The following PFDN1 variants were observed in gnomAD, a reference collection of about 807,000 sequenced individuals.
PFDN1 encodes the protein prefoldin subunit 1, also known as prefoldin 1.
A neutral mutation model predicts 17.3 loss-of-function variants in PFDN1; 6 were observed. The observed-to-expected ratio is 0.35, with a 90% CI of 0.19 to 0.69. The LOEUF (loss-of-function observed/expected upper bound fraction) is 0.69. PFDN1 is among the 30% of genes least tolerant of loss of function. PFDN1 has a pLI of 0.65. For missense variants in PFDN1, 113 were observed against 146.2 expected, an observed-to-expected ratio of 0.77 and a Z score of 1.17; for synonymous variants, 58 against 50.1, an observed-to-expected ratio of 1.16 and a Z score of -0.67.
chr5:140,299,461 A>G (rs7725147), intron 2 of PFDN1, among the ~76,000 whole-genome samples: 71,313 of 151,670 alleles, frequency 0.47, 17,041 homozygotes, highest in South Asian at 0.71. Context: ...TTAGCCGGGC[A>G]TGGTAGCATG....
Position 140,245,955 on chromosome 5 carries a change from A to T in PFDN1, c.*19T>A, listed in dbSNP as rs1323981424. On this transcript the variant is annotated 3_prime_UTR_variant, in exon 4 of 4. Transcript: ENST00000261813. ...CAGGAATGGGAGGGGCAGGAGGAAG[A>T]GCTTCCCAGAGAGGCTCCCTACTGG... is the stretch of plus-strand genomic sequence containing the variant. 27 of 1,458,704 alleles carry T rather than the reference A, an allele frequency of 1.9e-5. No individual in the cohort carries two copies. Among genetic ancestry groups the T allele is most frequent in the Non-Finnish European group, 2.4e-5 (26 of 1,062,300 alleles). The allele number at this position is 1,458,704 out of a possible 1,614,324, so 90.4% of individuals were successfully genotyped here.
intron 2 of PFDN1, among the ~76,000 whole-genome samples, chr5:140,288,637 A>C (rs974897641): frequency 7.9e-5 from 12 of 152,188 alleles, no homozygotes; most frequent in Admixed American, 2.6e-4. Context: ...AGGGAGTGAG[A>C]GCTTGCTGTT....
intron 3 of PFDN1, chr5:140,262,469 G>A (rs1323092518): frequency 3.1e-5 from 14 of 453,184 alleles, no homozygotes; most frequent in Non-Finnish European, 5.8e-5. Flanking sequence ...CCAAGTTCAT[G>A]AGATGGCTTC....
intron 2 of PFDN1, among the ~76,000 whole-genome samples, chr5:140,298,147 T>C (rs1765680928): frequency 6.6e-6 from 1 of 152,164 alleles, no homozygotes; most frequent in African/African-American, 2.4e-5. Flanking sequence ...ATATATGAGC[T>C]TGGACATAAA....
At chr5:140,278,557 C>CAAAAAAAAAA (rs113129230) in intron 3 of PFDN1, among the ~76,000 whole-genome samples, 31 of 79,012 alleles carry the variant, frequency 3.9e-4, no homozygotes, top group Non-Finnish European at 6.2e-4. Flanking sequence ...GACTCTGTCT[C>CAAAAAAAAAA]AAAAAAAAAA....
chr5:140,276,002 C>A (rs1475384542), intron 3 of PFDN1, among the ~76,000 whole-genome samples: 1 of 151,152 alleles, frequency 6.6e-6, no homozygotes, highest in Non-Finnish European at 1.5e-5. Context: ...TACAGGGTAT[C>A]TCAGAAGAGA....
Position 140,251,647 on chromosome 5 carries a change from T to C in PFDN1, c.286-5590A>G, listed in dbSNP as rs559337670. ...ATGCTTTCACAAGGGAAGTCTCTAG[T>C]GGCATCAAACCACAAAGCTCTGGGT... is the stretch of plus-strand genomic sequence containing the variant. On this transcript the variant is annotated intron_variant, in intron 3 of 3. Transcript: ENST00000261813. 3.3e-5 allele frequency among the ~76,000 whole-genome samples: 5 copies of C among 152,314 alleles called. No individual in the cohort carries two copies. In the East Asian group the frequency reaches 9.6e-4, roughly 29 times the overall value.
chr5:140,259,277 C>G (rs1765030606), intron 3 of PFDN1, among the ~76,000 whole-genome samples: 1 of 152,180 alleles, frequency 6.6e-6, no homozygotes, highest in African/African-American at 2.4e-5. Flanking sequence ...TTAACTGTTA[C>G]AGATGAGCCT....
intron 2 of PFDN1, among the ~76,000 whole-genome samples, chr5:140,288,460 G>T (rs533623350): frequency 1.3e-5 from 2 of 152,264 alleles, no homozygotes; most frequent in East Asian, 3.9e-4. Flanking sequence ...AAGGAATTTG[G>T]GGGACAGTGA....
intron 2 of PFDN1, among the ~76,000 whole-genome samples, chr5:140,288,283 C>T (rs923264096): frequency 5.9e-5 from 9 of 152,156 alleles, no homozygotes. Context: ...ATGCATATTG[C>T]TAAGTCGAAG....
intron 2 of PFDN1, among the ~76,000 whole-genome samples, chr5:140,285,347 C>CA (rs59589577): frequency 0.02 from 1,767 of 88,750 alleles, 40 homozygotes; most frequent in East Asian, 0.12. Context: ...GACTCCATCT[C>CA]AAAAAAAAAA....
At chr5:140,253,184 AC>A in intron 3 of PFDN1, among the ~76,000 whole-genome samples, 1 of 152,222 alleles carries the variant, frequency 6.6e-6, no homozygotes, top group South Asian at 2.1e-4. Context: ...GACAGAAAAG[AC>A]CCTTCAGAGG....
intron 2 of PFDN1, among the ~76,000 whole-genome samples, chr5:140,284,146 G>A (rs989927365): frequency 6.6e-6 from 1 of 152,124 alleles, no homozygotes; most frequent in Non-Finnish European, 1.5e-5. Flanking sequence ...ACAAAAACAC[G>A]TTTTTCCATG....
intron 3 of PFDN1, 149 bp downstream of exon 3, chr5:140,281,300 A>G (rs895208699): frequency 5.3e-5 from 30 of 568,516 alleles, no homozygotes; most frequent in Non-Finnish European, 9.0e-5. Flanking sequence ...GAATATGAAT[A>G]TGACAGCTTC....
intron 3 of PFDN1, among the ~76,000 whole-genome samples, chr5:140,272,244 T>C (rs1765216641): frequency 6.6e-6 from 1 of 152,024 alleles, no homozygotes; most frequent in Non-Finnish European, 1.5e-5. Flanking sequence ...GGCCTTGAAC[T>C]CCTGACCTCA....
chr5:140,249,757 G>A (rs1764885223), intron 3 of PFDN1, among the ~76,000 whole-genome samples: 1 of 152,164 alleles, frequency 6.6e-6, no homozygotes, highest in African/African-American at 2.4e-5. Flanking sequence ...GAGGAAATGA[G>A]AGAGGAGGTG....
chr5:140,301,579 AT>A (rs1765747571), intron 1 of PFDN1, among the ~76,000 whole-genome samples: 1 of 152,246 alleles, frequency 6.6e-6, no homozygotes, highest in South Asian at 2.1e-4. Flanking sequence ...GAAATTTCCT[AT>A]TTGTCTCCAC....
rs1019861806 is a variant in PFDN1, at chr5:140,245,647, G to A, written c.*327C>T. The A allele has an allele frequency of 2.6e-5, 18 of 681,318 alleles. No individual in the cohort carries two copies. Among genetic ancestry groups the A allele is most frequent in the Non-Finnish European group, 4.0e-5 (15 of 376,276 alleles). The allele number at this position is 681,318 out of a possible 1,614,324, so 42.2% of individuals were successfully genotyped here. A position where few individuals can be genotyped will look rare whatever the true frequency, so the allele number is the denominator to read the frequency against. On this transcript the variant is annotated 3_prime_UTR_variant, in exon 4 of 4. Transcript: ENST00000261813. The stretch of plus-strand genomic sequence containing the variant: ...CCAGGCTTAGCAGAGTGGGACAGAC[G>A]CTTTTTATTGGTCTGGCTGGCGTGC...
chr5:140,287,709 C>A (rs1416093167), intron 2 of PFDN1, among the ~76,000 whole-genome samples: 1 of 150,174 alleles, frequency 6.7e-6, no homozygotes, highest in African/African-American at 2.4e-5. Context: ...GGATTTGCAT[C>A]TAAATTATGC....
Sources: allele counts gnomAD v4.1 joint callset (sites outside exome capture counted in the v4.1 genomes callset), GRCh38; gene constraint gnomAD v4.1.1; transcripts MANE v1.5; gene names NCBI Gene and HGNC (gene_info 2026-07-23, HGNC 2026-07-21).